Variants in ZFHX3 observed in about 807,000 individuals in gnomAD.
The protein encoded by ZFHX3 is zinc finger homeobox protein 3.
Under a neutral mutation model 279.1 loss-of-function variants are expected in ZFHX3, and 42 were observed. The observed-to-expected ratio is 0.15, with a 90% CI of 0.12 to 0.19. ZFHX3 has a LOEUF of 0.19. Ranked by LOEUF, ZFHX3 falls within the 10% of genes least tolerant of loss-of-function variation. The pLI is 1.00. For missense variants in ZFHX3, 4,981 were observed against 4,754.0 expected (o/e 1.05, Z -1.40); for synonymous variants, 2,293 against 1,957.8 (o/e 1.17, Z -4.52).
intron 3 of ZFHX3, among the ~76,000 whole-genome samples, chr16:73,444,536 C>G (rs1378607026): frequency 6.6e-6 from 1 of 152,226 alleles, no homozygotes; most frequent in East Asian, 1.9e-4. Flanking sequence ...AGTCTCCATT[C>G]AGATATATGA....
chr16:73,349,943 C>T lies in ZFHX3; in HGVS notation c.-1290-31607G>A, dbSNP rs563758216. ...TTTTCCTTTCCTCTCCTTTTCCCCC[C>T]TTTCCATGGATCCTTGAGAACTCAG... On this transcript the variant is annotated intron_variant, in intron 3 of 17. Coordinates refer to the ZFHX3 transcript ENST00000641206. Among the ~76,000 whole-genome samples the T allele has an allele frequency of 6.7e-5, 10 of 149,406 alleles. No individual in the cohort carries two copies. The South Asian group carries it at 2.2e-3, about 33-fold the overall frequency.
chr16:72,857,116 T>C (rs558305623), intron 4 of ZFHX3, among the ~76,000 whole-genome samples: 1 of 152,290 alleles, frequency 6.6e-6, no homozygotes, highest in African/African-American at 2.4e-5. Flanking sequence ...TGTCAAATGA[T>C]AAAGAATCCA....
At chr16:73,624,076 T>C (rs1350048976) in intron 2 of ZFHX3, among the ~76,000 whole-genome samples, 2 of 152,220 alleles carry the variant, frequency 1.3e-5, no homozygotes, top group Non-Finnish European at 2.9e-5. Flanking sequence ...TTTCATTTTG[T>C]CTAAGTGTTA....
intron 3 of ZFHX3, among the ~76,000 whole-genome samples, chr16:72,937,579 C>T (rs945073828): frequency 6.6e-6 from 1 of 152,210 alleles, no homozygotes; most frequent in African/African-American, 2.4e-5. Context: ...CGGCCTTGGG[C>T]CTTGGGTGCC....
At chr16:72,822,277 T>C (rs749685743) in intron 5 of ZFHX3, among the ~76,000 whole-genome samples, 14 of 152,144 alleles carry the variant, frequency 9.2e-5, no homozygotes, top group Non-Finnish European at 1.8e-4. Flanking sequence ...AAGAGAAGCA[T>C]AGAATTTAAG....
At position 72,788,109 on chromosome 16, in the gene ZFHX3, TTGCTGCTGCTGCTGCTGTAGTTGCCGC is replaced by T. The variant is rs775359750; in HGVS notation, c.10140_10166del (p.Arg3381_Gln3389del). ...CTTTGGGCTGCTGCTGCTGCACTTT[TTGCTGCTGCTGCTGCTGTAGTTGCCGC>T]TGCTGCTGCTGCTGAATTGCCTCCT... On this transcript the variant is annotated inframe_deletion, in exon 10 of 10. Coordinates refer to ENST00000268489, the MANE Select transcript of ZFHX3 (RefSeq NM_006885.4). 3.8e-5 allele frequency: 61 copies of T among 1,608,056 alleles called. No individual in the cohort carries two copies. Among genetic ancestry groups the T allele is most frequent in the African/African-American group, 2.9e-4 (22 of 74,888 alleles).
chr16:73,278,058 A>C (rs927441978), intron 4 of ZFHX3, among the ~76,000 whole-genome samples: 2 of 152,196 alleles, frequency 1.3e-5, no homozygotes, highest in African/African-American at 4.8e-5. Context: ...ACAATTTGAC[A>C]TGAAATTCAG....
At chr16:73,187,144 T>TCTCACACACACACA (rs1555503407) in intron 5 of ZFHX3, among the ~76,000 whole-genome samples, 3 of 146,986 alleles carry the variant, frequency 2.0e-5, no homozygotes, top group Non-Finnish European at 4.5e-5. Context: ...GTTGTATGTC[T>TCTCACACACACACA]CACACACACA....
intron 5 of ZFHX3, among the ~76,000 whole-genome samples, chr16:73,248,171 T>A (rs1293596470): frequency 6.6e-6 from 1 of 151,548 alleles, no homozygotes; most frequent in Non-Finnish European, 1.5e-5. Context: ...GTATGTGGAG[T>A]GTGTGTGCGT....
chr16:73,367,330 A>G (rs558724852), intron 3 of ZFHX3, among the ~76,000 whole-genome samples: 50 of 152,344 alleles, frequency 3.3e-4, no homozygotes, highest in African/African-American at 1.2e-3. Flanking sequence ...ATGCCCTTAT[A>G]TCAAGGTGGC....
intron 1 of ZFHX3, among the ~76,000 whole-genome samples, chr16:73,035,807 G>A (rs1455902368): frequency 6.6e-6 from 1 of 152,236 alleles, no homozygotes; most frequent in Non-Finnish European, 1.5e-5. Context: ...GGGAGGCTGA[G>A]GCAGGAGGAC....
chr16:73,057,699 A>G (rs1296030519), intron 1 of ZFHX3, among the ~76,000 whole-genome samples: 3 of 151,672 alleles, frequency 2.0e-5, no homozygotes, highest in Non-Finnish European at 4.4e-5. Context: ...TCCAGGGCAG[A>G]GTCCCCTCTG....
chr16:72,843,577 G>A (rs1228624569), intron 4 of ZFHX3, among the ~76,000 whole-genome samples: 1 of 149,252 alleles, frequency 6.7e-6, no homozygotes, highest in Non-Finnish European at 1.5e-5. Context: ...GGTGTCTAAA[G>A]GAGGATGAAG....
At chr16:73,843,642 G>A (rs959711457) in intron 1 of ZFHX3, among the ~76,000 whole-genome samples, 4 of 152,146 alleles carry the variant, frequency 2.6e-5, no homozygotes, top group Non-Finnish European at 4.4e-5. Flanking sequence ...TGCTCTCCTC[G>A]TATCATCTGC....
At chr16:73,303,961 T>TGG (rs1432522548) in intron 4 of ZFHX3, among the ~76,000 whole-genome samples, 2 of 61,606 alleles carry the variant, frequency 3.2e-5, no homozygotes, top group South Asian at 4.2e-4. Flanking sequence ...AAACCCTAGG[T>TGG]GGAAAAAAAA....
chr16:73,724,930 C>G (rs1035465383), intron 1 of ZFHX3, among the ~76,000 whole-genome samples: 2 of 152,150 alleles, frequency 1.3e-5, no homozygotes, highest in African/African-American at 4.8e-5. Flanking sequence ...CCTGGGCCTT[C>G]TCCCTCCAAA....
chr16:73,053,724 C>G (rs1232854523), intron 1 of ZFHX3, among the ~76,000 whole-genome samples: 1 of 152,162 alleles, frequency 6.6e-6, no homozygotes, highest in African/African-American at 2.4e-5. Flanking sequence ...TGAACCCAGA[C>G]CTGGCAGCTT....
intron 4 of ZFHX3, among the ~76,000 whole-genome samples, chr16:73,316,054 T>C (rs1317411938): frequency 6.6e-6 from 1 of 152,096 alleles, no homozygotes; most frequent in Non-Finnish European, 1.5e-5. Flanking sequence ...GGGGAGAGGC[T>C]CTCAGAGGAC....
At chr16:73,330,682 A>G (rs936546136) in intron 3 of ZFHX3, among the ~76,000 whole-genome samples, 1 of 152,198 alleles carries the variant, frequency 6.6e-6, no homozygotes, top group African/African-American at 2.4e-5. Flanking sequence ...AGGGAGAGGC[A>G]AGGGCATGTT....
Sources: gnomAD v4.1 joint callset for allele counts (sites outside exome capture counted in the v4.1 genomes callset) on GRCh38, gnomAD v4.1.1 for gene constraint, MANE v1.5 for transcripts, NCBI Gene and HGNC (gene_info 2026-07-23, HGNC 2026-07-21) for gene names.